The following NRCAM variants were observed in gnomAD, a reference collection of about 807,000 sequenced individuals.
NRCAM encodes the protein NgCAM-related cell adhesion molecule.
In NRCAM, 83 loss-of-function variants were observed where a neutral mutation model predicts 156.5. The ratio of observed to expected loss-of-function variants is 0.53; its 90% CI spans 0.44 to 0.64. The LOEUF (loss-of-function observed/expected upper bound fraction) is 0.64. Among genes scored for constraint, NRCAM ranks in the 30% least tolerant of loss-of-function variants. The pLI is 0.00. For synonymous variants in NRCAM, 538 were observed against 563.9 expected (o/e 0.95, Z 0.65); for missense variants, 1,417 against 1,597.3 (o/e 0.89, Z 1.92).
chr7:108,278,215 A>T (rs2097715109), intron 3 of NRCAM, among the ~76,000 whole-genome samples: 1 of 152,240 alleles, frequency 6.6e-6, no homozygotes, highest in South Asian at 2.1e-4. Context: ...TGGAGAAGGC[A>T]GTCTGTCCAT....
At chr7:108,154,382 AT>A (rs1330151978) in intron 32 of NRCAM, among the ~76,000 whole-genome samples, 3 of 152,128 alleles carry the variant, frequency 2.0e-5, no homozygotes, top group African/African-American at 7.2e-5. Context: ...TTTTATGTTA[AT>A]TTTGTGTCGA....
At chr7:108,310,148 C>A (rs965063426) in intron 3 of NRCAM, among the ~76,000 whole-genome samples, 1 of 152,222 alleles carries the variant, frequency 6.6e-6, no homozygotes, top group Admixed American at 6.5e-5. Context: ...TCTTCATACA[C>A]AGCTTGCTGC....
chr7:108,253,957 A>C (rs1433839385), intron 3 of NRCAM, among the ~76,000 whole-genome samples: 1 of 152,228 alleles, frequency 6.6e-6, no homozygotes, highest in African/African-American at 2.4e-5. Context: ...GAAACCACAA[A>C]GCTACCAGAG....
At chr7:108,440,576 T>C (rs1364645800) in intron 1 of NRCAM, among the ~76,000 whole-genome samples, 1 of 152,214 alleles carries the variant, frequency 6.6e-6, no homozygotes, top group Non-Finnish European at 1.5e-5. Context: ...TAGTAATGAA[T>C]GGAGGCTCAC....
chr7:108,267,091 C>T (rs1308367130), intron 3 of NRCAM, among the ~76,000 whole-genome samples: 1 of 152,234 alleles, frequency 6.6e-6, no homozygotes. Context: ...CACCCACACA[C>T]ACAGCAGATT....
intron 3 of NRCAM, among the ~76,000 whole-genome samples, chr7:108,305,513 T>C (rs2098702608): frequency 6.6e-6 from 1 of 152,180 alleles, no homozygotes; most frequent in African/African-American, 2.4e-5. Flanking sequence ...AGTAAATAAA[T>C]AGAAATGTGC....
chr7:108,282,624 A>C (rs1242666561), intron 3 of NRCAM, among the ~76,000 whole-genome samples: 2 of 152,236 alleles, frequency 1.3e-5, no homozygotes, highest in Non-Finnish European at 2.9e-5. Context: ...AAAGCAACCC[A>C]TTTATAAAAG....
At position 108,182,850 on chromosome 7, in the gene NRCAM, T is replaced by C. The variant is rs1311476963; in HGVS notation, c.2375A>G (p.Asp792Gly). 1 of 1,614,114 alleles carries C rather than the reference T, an allele frequency of 6.2e-7. No individual in the cohort carries two copies. Among genetic ancestry groups the C allele is most frequent in the Non-Finnish European group, 8.5e-7 (1 of 1,180,050 alleles). ...YKVSWRQKDG[D>G]DEWTSVVVAN... The stretch of plus-strand genomic sequence containing the variant: ...CACAACCACAGATGTCCATTCATCA[T>C]CACCATCTTTCTGGCGCCAGCTAAC... The change falls in exon 23 of 33, where the codon GAT (aspartate) becomes GGT (glycine). Residue 792 changes from aspartate (D) to glycine (G), a missense_variant. Physicochemically the swap from Asp to Gly is moderately conservative, Grantham distance 94. Coordinates refer to ENST00000379028, the MANE Select transcript of NRCAM (RefSeq NM_001037132.4).
At chr7:108,359,452 T>G (rs2099533482) in intron 2 of NRCAM, among the ~76,000 whole-genome samples, 1 of 152,162 alleles carries the variant, frequency 6.6e-6, no homozygotes, top group Non-Finnish European at 1.5e-5. Context: ...ATTTTGACAC[T>G]TGGTGATTGG....
intron 20 of NRCAM, among the ~76,000 whole-genome samples, chr7:108,187,110 G>A (rs1246688032): frequency 6.6e-6 from 1 of 152,102 alleles, no homozygotes; most frequent in African/African-American, 2.4e-5. Context: ...GGGAACCATG[G>A]TCTTACCCAG....
At position 108,231,099 on chromosome 7, in the gene NRCAM, T is replaced by G; in HGVS notation, c.482A>C (p.Gln161Pro). ...GGGTCTGCAGGGAAGTACTAAAGAC[T>G]GACCACTTTGAAGTGTGATTGGTTC... ...KLEPITLQSGQSLVLPCRPPI... is the reference protein window; with the variant it reads ...KLEPITLQSGPSLVLPCRPPI... The change falls in exon 8 of 33, where the codon CAG becomes CCG. Residue 161 changes from glutamine (Q) to proline (P), a missense_variant. Coordinates refer to ENST00000379028, the MANE Select transcript of NRCAM (RefSeq NM_001037132.4). 2 of 1,608,814 alleles carry G rather than the reference T, an allele frequency of 1.2e-6. No individual in the cohort carries two copies. Among genetic ancestry groups the G allele is most frequent in the Non-Finnish European group, 1.7e-6 (2 of 1,176,824 alleles).
intron 2 of NRCAM, among the ~76,000 whole-genome samples, chr7:108,350,657 G>A (rs371740884): frequency 1.3e-5 from 2 of 151,684 alleles, no homozygotes; most frequent in Non-Finnish European, 2.9e-5. Flanking sequence ...CTCCCCTGTT[G>A]GTGCCTCCAA....
Position 108,396,570 on chromosome 7 carries a change from TA to T in NRCAM, c.-174+2865del, listed in dbSNP as rs372268582. Among the ~76,000 whole-genome samples, 340 of 152,324 alleles carry T rather than the reference TA, an allele frequency of 2.2e-3. 4 individuals are homozygous for T. The highest frequency in any genetic ancestry group is 7.7e-3 in the African/African-American group (321 of 41,578). On this transcript the variant is annotated intron_variant, in intron 2 of 32. Transcript: ENST00000379028. ...AATTTATTGTATATTTCAAAATAGC[TA>T]GAAGAAAGATTTCTAATGTTCCCAA...
chr7:108,255,319 G>T (rs898631199), intron 3 of NRCAM, among the ~76,000 whole-genome samples: 1 of 152,114 alleles, frequency 6.6e-6, no homozygotes, highest in African/African-American at 2.4e-5. Context: ...GGTGTGCGCC[G>T]CCACGCCTGA....
In NRCAM at chr7:108,177,063, AC is replaced by A. The variant is rs149596701; in HGVS notation, c.2975-458del. On this transcript the variant is annotated intron_variant, in intron 26 of 32. Transcript: ENST00000379028. ...AAAGGTCTGTATTATTCTACAGATT[AC>A]TTAATTTTTAATAACATAGACATCA... Among the ~76,000 whole-genome samples the A allele has an allele frequency of 5.2e-3, 786 of 152,186 alleles. 43 individuals carry two copies. The East Asian group carries it at 0.13, about 25-fold the overall frequency.
chr7:108,255,409 C>G (rs2096587349), intron 3 of NRCAM, among the ~76,000 whole-genome samples: 1 of 152,236 alleles, frequency 6.6e-6, no homozygotes, highest in South Asian at 2.1e-4. Context: ...CGCGAGTGAT[C>G]TGCCCACCTG....
At chr7:108,228,313 C>T (rs2093795779) in intron 8 of NRCAM, among the ~76,000 whole-genome samples, 1 of 144,652 alleles carries the variant, frequency 6.9e-6, no homozygotes, top group African/African-American at 2.6e-5. Flanking sequence ...CAGAGCGAGA[C>T]TCCATCTAAA....
chr7:108,326,367 C>A (rs1463120682), intron 2 of NRCAM, among the ~76,000 whole-genome samples: 2 of 152,128 alleles, frequency 1.3e-5, no homozygotes, highest in Admixed American at 6.5e-5. Flanking sequence ...TTCTTACAAT[C>A]TTATTTATAT....
intron 13 of NRCAM, among the ~76,000 whole-genome samples, chr7:108,203,069 C>T (rs1268310139): frequency 1.3e-5 from 2 of 152,138 alleles, no homozygotes; most frequent in African/African-American, 2.4e-5. Context: ...AAAAACACCC[C>T]CCTCAGTGTG....
Sources: gnomAD v4.1 joint callset for allele counts (sites outside exome capture counted in the v4.1 genomes callset) on GRCh38, gnomAD v4.1.1 for gene constraint, MANE v1.5 for transcripts, NCBI Gene and HGNC (gene_info 2026-07-23, HGNC 2026-07-21) for gene names.